Variants in PRPF40B observed in about 807,000 individuals in gnomAD.
PRPF40B encodes pre-mRNA-processing factor 40 homolog B.
PRPF40B carries 56 observed loss-of-function variants against 124.5 expected under a neutral mutation model. The ratio of observed to expected loss-of-function variants is 0.45; its 90% CI spans 0.36 to 0.56. PRPF40B has a LOEUF of 0.56. PRPF40B is among the 20% of genes least tolerant of loss of function. PRPF40B has a pLI of 0.00. For missense variants in PRPF40B, 1,053 were observed against 1,169.5 expected (o/e 0.90, Z 1.45); for synonymous variants, 443 against 426.4 (o/e 1.04, Z -0.48).
At chr12:49,640,126 C>T (rs1443509637) in intron 18 of PRPF40B, 1 of 152,214 alleles carries the variant, frequency 6.6e-6, no homozygotes, top group Non-Finnish European at 1.5e-5. Flanking sequence ...CTCTTGCTTT[C>T]CACAGCCAGG....
chr12:49,634,217 G>A, intron 10 of PRPF40B, 115 bp from the exon 11 acceptor site: 1 of 1,585,172 alleles, frequency 6.3e-7, no homozygotes, highest in Non-Finnish European at 8.6e-7. Context: ...CCTCTGAAGG[G>A]CAGAAAAAGG....
intron 1 of PRPF40B, among the ~76,000 whole-genome samples, chr12:49,625,142 C>T (rs1407980669): frequency 6.6e-6 from 1 of 152,034 alleles, no homozygotes; most frequent in Non-Finnish European, 1.5e-5. Context: ...GAACACCTGG[C>T]TCGCTGAGGA....
In PRPF40B at chr12:49,643,981, G is replaced by C; in HGVS notation, c.2563G>C (p.Gly855Arg). The C allele has an allele frequency of 6.2e-7, 1 of 1,614,196 alleles. No homozygotes were observed. The highest frequency in any genetic ancestry group is 8.5e-7 in the Non-Finnish European group (1 of 1,180,030). ...GGCAGAGCTCCCTAACCGTTCCCCA[G>C]GCTTTGGAATCAAGAAGGAGAAGGT... ...QQAELPNRSP[G>R]FGIKKEKTGW... is the part of the protein sequence containing the mutation. The change falls in exon 25 of 26, where the codon GGC becomes CGC. Residue 855 changes from glycine to arginine, a missense_variant. By Grantham distance (125) the Gly-to-Arg change is moderately radical. This residue lies in a region of PRPF40B where 895 missense variants were observed against 1,052.2 expected (regional missense o/e 0.85). Coordinates refer to ENST00000548825, the MANE Select transcript of PRPF40B (RefSeq NM_001031698.3).
At chr12:49,634,163 T>C in intron 10 of PRPF40B, 71 bp downstream of exon 10, 1 of 1,581,174 alleles carries the variant, frequency 6.3e-7, no homozygotes. Flanking sequence ...CCTTGTCCTC[T>C]GCTGGGCCTC....
Position 49,637,784 on chromosome 12 carries a change from G to A in PRPF40B, c.1727G>A (p.Arg576Gln), listed in dbSNP as rs750420895. The change falls in exon 18 of 26, where the codon CGA becomes CAA. Residue 576 changes from arginine to glutamine, a missense_variant. By Grantham distance (43) the Arg-to-Gln change is conservative. Transcript: ENST00000548825. ...TTCTATGTGGAGGAGTTGAAGGCAC[G>A]ATTCCATGATGAAAAGAAGATCATT... ...FKFYVEELKA[R>Q]FHDEKKIIKD... 12 of 1,593,024 alleles carry A rather than the reference G, an allele frequency of 7.5e-6. No homozygotes were observed. The highest frequency in any genetic ancestry group is 5.5e-5 in the South Asian group (5 of 90,410).
chr12:49,624,397 CAGAA>C (rs1365977180), intron 1 of PRPF40B, among the ~76,000 whole-genome samples: 1 of 151,984 alleles, frequency 6.6e-6, no homozygotes, highest in Non-Finnish European at 1.5e-5. Context: ...GGATGGTAGA[CAGAA>C]AGCCTGCCGG....
chr12:49,643,623 GGCTAGAACAAAGAAAAAGA>G, intron 23 of PRPF40B, 49 bp from the exon 24 acceptor site: 1 of 1,532,962 alleles, frequency 6.5e-7, no homozygotes, highest in Non-Finnish European at 8.9e-7. Context: ...TGAACAGAGG[GGCTAGAACAAAGAAAAAGA>G]GCCTGTCTTT....
In PRPF40B at chr12:49,643,903, A is replaced by G. The variant is rs1342331132; in HGVS notation, c.2485A>G (p.Lys829Glu). 1 of 1,614,096 alleles carries G rather than the reference A, an allele frequency of 6.2e-7. No individual in the cohort carries two copies. The highest frequency in any genetic ancestry group is 1.7e-5 in the Admixed American group (1 of 60,008). Residue 829 changes from lysine to glutamate, a missense_variant, in exon 25 of 26, where the codon AAG becomes GAG. By Grantham distance (56) the Lys-to-Glu change is moderately conservative. Transcript: ENST00000548825. ...GACAGACCCTGAGGAGAAAGCTGGC[A>G]AGGAGAGCGATGAGAAAGAACAAGA... ...SETDPEEKAG[K>E]ESDEKEQEQD...
chr12:49,638,109 G>C, intron 18 of PRPF40B: 1 of 383,666 alleles, frequency 2.6e-6, no homozygotes, highest in South Asian at 3.3e-5. Flanking sequence ...TGTGCATTTA[G>C]AAATTTGTAG....
chr12:49,644,362 A>G lies in PRPF40B; in HGVS notation c.*170A>G. The stretch of plus-strand genomic sequence containing the variant: ...CCTCTCAAGGTTGCTCTTGGTGTTC[A>G]AGGGTCCCCTACTCCCTGGACTAGT... On this transcript the variant is annotated 3_prime_UTR_variant, in exon 26 of 26. Transcript: ENST00000548825. 1.3e-6 allele frequency: 1 copy of G among 743,602 alleles called. No homozygotes were observed. The highest frequency in any genetic ancestry group is 2.3e-6 in the Non-Finnish European group (1 of 443,682). The allele number at this position is 743,602 out of a possible 1,614,324, so 46.1% of individuals were successfully genotyped here. A position where few individuals can be genotyped will look rare whatever the true frequency, so the allele number is the denominator to read the frequency against.
At chr12:49,629,833 G>A (rs950903926) in intron 1 of PRPF40B, among the ~76,000 whole-genome samples, 7 of 152,216 alleles carry the variant, frequency 4.6e-5, no homozygotes, top group African/African-American at 1.7e-4. Context: ...GTAGGACAGG[G>A]CAACCTAAGC....
intron 1 of PRPF40B, among the ~76,000 whole-genome samples, chr12:49,629,441 G>A (rs1453449303): frequency 2.6e-5 from 4 of 152,174 alleles, no homozygotes; most frequent in Non-Finnish European, 4.4e-5. Flanking sequence ...TAAACATACA[G>A]CATTTTGGCC....
At chr12:49,624,832 C>T (rs1212325816) in intron 1 of PRPF40B, among the ~76,000 whole-genome samples, 1 of 142,776 alleles carries the variant, frequency 7.0e-6, no homozygotes, top group Non-Finnish European at 1.5e-5. Flanking sequence ...GCAACAAGAG[C>T]GAAGCTCTGT....
intron 12 of PRPF40B, chr12:49,634,828 G>A (rs1005282178): frequency 1.6e-5 from 10 of 640,646 alleles, no homozygotes; most frequent in East Asian, 2.7e-5. Context: ...TGAATCAAAC[G>A]GAATTGAATT....
chr12:49,637,660 T>G, intron 17 of PRPF40B, 73 bp from the exon 18 acceptor site: 11 of 1,556,168 alleles, frequency 7.1e-6, no homozygotes, highest in Non-Finnish European at 9.7e-6. Flanking sequence ...TACTACCGGC[T>G]CCTGTCCTCG....
At position 49,643,760 on chromosome 12, in the gene PRPF40B, A is replaced by G; in HGVS notation, c.2442+8A>G. 6.2e-7 allele frequency: 1 copy of G among 1,613,954 alleles called. No individual in the cohort carries two copies. Among genetic ancestry groups the G allele is most frequent in the Non-Finnish European group, 8.5e-7 (1 of 1,179,966 alleles). ...AAGAGAAGACACAAGTCGGTGAGTG[A>G]AGGAACTTCTACCTAAGCCCCTGCT... On this transcript the variant is annotated splice_region_variant and intron_variant, in intron 24 of 25. Coordinates refer to ENST00000548825, the MANE Select transcript of PRPF40B (RefSeq NM_001031698.3).
At position 49,635,276 on chromosome 12, in the gene PRPF40B, G is replaced by T; in HGVS notation, c.1166+13G>T. The T allele has an allele frequency of 6.2e-7, 1 of 1,611,600 alleles. No homozygotes were observed. The highest frequency in any genetic ancestry group is 8.5e-7 in the Non-Finnish European group (1 of 1,178,684). On this transcript the variant is annotated intron_variant, in intron 13 of 25. Coordinates refer to ENST00000548825, the MANE Select transcript of PRPF40B (RefSeq NM_001031698.3). The surrounding 1 kb of genome is among the most constrained non-coding windows in gnomAD (Gnocchi z 4.1). Reference sequence around the variant, plus strand: ...CCACCCGCTACCGGTCAGGGGGCCAGGCTGGGCTGGGACTTGGGAACCCTG... The same window carrying T: ...CCACCCGCTACCGGTCAGGGGGCCATGCTGGGCTGGGACTTGGGAACCCTG...
At chr12:49,633,760 G>C in intron 9 of PRPF40B, 99 bp downstream of exon 9, 2 of 1,606,092 alleles carry the variant, frequency 1.2e-6, no homozygotes, top group East Asian at 4.5e-5. Context: ...GGAAGAGCCA[G>C]CTCTGTCTCC....
Position 49,630,600 on chromosome 12 carries a change from G to C in PRPF40B, c.59G>C (p.Gly20Ala), listed in dbSNP as rs1941125865. ...PPAAPAPFPPGPPMMPPPFMP... is the reference protein window; with the variant it reads ...PPAAPAPFPPAPPMMPPPFMP... The stretch of plus-strand genomic sequence containing the variant: ...GCAGCGCCTGCCCCCTTCCCACCGG[G>C]GCCCCCCATGATGCCACCACCCTTC... Residue 20 changes from glycine to alanine, a missense_variant, in exon 2 of 26, where the codon GGG becomes GCG. Gly to Ala is a moderately conservative substitution (Grantham distance 60). Transcript: ENST00000548825. 5 of 1,351,876 alleles carry C rather than the reference G, an allele frequency of 3.7e-6. No homozygotes were observed. The highest frequency in any genetic ancestry group is 5.3e-6 in the Non-Finnish European group (5 of 943,402). The allele number at this position is 1,351,876 out of a possible 1,614,324, so 83.7% of individuals were successfully genotyped here.
Sources: allele counts gnomAD v4.1 joint callset (sites outside exome capture counted in the v4.1 genomes callset), GRCh38; gene constraint gnomAD v4.1.1; regional missense constraint gnomAD v4.1.1; non-coding constraint Gnocchi (gnomAD v3.1); transcripts MANE v1.5; gene names NCBI Gene and HGNC (gene_info 2026-07-23, HGNC 2026-07-21).